The following MAP2K5 variants were observed in gnomAD, a reference collection of about 807,000 sequenced individuals.
The protein encoded by MAP2K5 is mitogen-activated protein kinase kinase 5.
In MAP2K5, 49 loss-of-function variants were observed where a neutral mutation model predicts 83.1. The ratio of observed to expected loss-of-function variants is 0.59; its 90% CI spans 0.47 to 0.75. The LOEUF (loss-of-function observed/expected upper bound fraction) is 0.75. Ranked by LOEUF, MAP2K5 falls within the 30% of genes least tolerant of loss-of-function variation. MAP2K5 has a pLI of 0.00. For missense variants in MAP2K5, 457 were observed against 557.5 expected, an observed-to-expected ratio of 0.82 and a Z score of 1.82; for synonymous variants, 202 against 191.8, an observed-to-expected ratio of 1.05 and a Z score of -0.44.
intron 9 of MAP2K5, among the ~76,000 whole-genome samples, chr15:67,645,251 G>A (rs2086805600): frequency 6.6e-6 from 1 of 152,034 alleles, no homozygotes; most frequent in Non-Finnish European, 1.5e-5. Context: ...GCTGAGGTGG[G>A]CAGATTGCTT....
intron 8 of MAP2K5, among the ~76,000 whole-genome samples, chr15:67,626,313 A>G (rs2086320553): frequency 6.6e-6 from 1 of 152,166 alleles, no homozygotes; most frequent in African/African-American, 2.4e-5. Context: ...ACTTGAGGTC[A>G]GAAGTTTGAG....
intron 11 of MAP2K5, among the ~76,000 whole-genome samples, chr15:67,650,562 C>T (rs561081908): frequency 6.7e-6 from 1 of 148,606 alleles, no homozygotes; most frequent in African/African-American, 2.5e-5. Context: ...TTGTCAAATG[C>T]CTGTTTTATA....
At position 67,802,115 on chromosome 15, in the gene MAP2K5, G is replaced by A. The variant is rs950759341; in HGVS notation, c.1243-4531G>A. Among the ~76,000 whole-genome samples, 5 of 152,192 alleles carry A rather than the reference G, an allele frequency of 3.3e-5. No individual in the cohort carries two copies. Among genetic ancestry groups the A allele is most frequent in the Admixed American group, 1.3e-4 (2 of 15,284 alleles). On this transcript the variant is annotated intron_variant, in intron 21 of 21. Coordinates refer to ENST00000178640, the MANE Select transcript of MAP2K5 (RefSeq NM_145160.3). The surrounding 1 kb of genome is among the most constrained non-coding windows in gnomAD (Gnocchi z 5.0). ...CCCTGCCTCCACGTGGGAGGGGCCC[G>A]GGAGTGTCCTGCTGTCAGTCCATCA...
chr15:67,556,174 G>T (rs985675099), intron 2 of MAP2K5, among the ~76,000 whole-genome samples: 5 of 152,142 alleles, frequency 3.3e-5, no homozygotes, highest in African/African-American at 9.7e-5. Context: ...TGATTTAAGG[G>T]TTTTCCAATA....
At chr15:67,741,202 G>A (rs1021625965) in intron 17 of MAP2K5, among the ~76,000 whole-genome samples, 1 of 152,250 alleles carries the variant, frequency 6.6e-6, no homozygotes, top group Non-Finnish European at 1.5e-5. Flanking sequence ...TCAGAGAAAG[G>A]TGACTGTGGT....
intron 16 of MAP2K5, among the ~76,000 whole-genome samples, chr15:67,721,844 T>G (rs1275053821): frequency 5.3e-5 from 8 of 152,206 alleles, no homozygotes; most frequent in Non-Finnish European, 1.2e-4. Flanking sequence ...TGAATTTCCT[T>G]AAATAGACAC....
At chr15:67,797,883 G>A (rs11635413) in intron 21 of MAP2K5, among the ~76,000 whole-genome samples, 8,770 of 152,118 alleles carry the variant, frequency 0.058, 347 homozygotes, top group Non-Finnish European at 0.085. Flanking sequence ...GGGTTTCACC[G>A]TATTGGTCAG....
At chr15:67,707,271 G>A (rs932146452) in intron 16 of MAP2K5, among the ~76,000 whole-genome samples, 1 of 152,114 alleles carries the variant, frequency 6.6e-6, no homozygotes, top group Non-Finnish European at 1.5e-5. Flanking sequence ...AAGGGATTAG[G>A]AAGTTAGTCC....
At chr15:67,592,118 CAA>C (rs71142384) in intron 6 of MAP2K5, among the ~76,000 whole-genome samples, 2 of 117,994 alleles carry the variant, frequency 1.7e-5, no homozygotes, top group Non-Finnish European at 3.4e-5. Context: ...AACTATGTCT[CAA>C]AAAAAAAAAA....
chr15:67,632,246 G>A (rs966957792), intron 9 of MAP2K5, among the ~76,000 whole-genome samples: 1 of 151,872 alleles, frequency 6.6e-6, no homozygotes, highest in African/African-American at 2.4e-5. Context: ...CCAGAGGTGT[G>A]CATCACCATG....
chr15:67,550,417 T>C (rs1013877346), intron 2 of MAP2K5, among the ~76,000 whole-genome samples: 5 of 152,240 alleles, frequency 3.3e-5, no homozygotes, highest in Non-Finnish European at 7.3e-5. Flanking sequence ...GATTAAGAGA[T>C]TTTAATCCAT....
intron 6 of MAP2K5, 53 bp from the exon 7 acceptor site, chr15:67,592,873 G>A: frequency 1.7e-6 from 2 of 1,190,882 alleles, no homozygotes; most frequent in Non-Finnish European, 2.5e-6. Flanking sequence ...AATTTTCAGT[G>A]GTGTTCAGAG....
At chr15:67,623,514 C>T (rs1210668848) in intron 8 of MAP2K5, among the ~76,000 whole-genome samples, 4 of 151,942 alleles carry the variant, frequency 2.6e-5, no homozygotes, top group East Asian at 1.9e-4. Context: ...CTAACTAGCA[C>T]GTAGAGACAC....
chr15:67,710,181 T>C (rs540719806), intron 16 of MAP2K5, among the ~76,000 whole-genome samples: 29 of 152,192 alleles, frequency 1.9e-4, no homozygotes, highest in Non-Finnish European at 3.8e-4. Flanking sequence ...CTTTAGCATA[T>C]GCATAGCATA....
In MAP2K5 at chr15:67,577,871, G is replaced by A. The variant is rs1431905447; in HGVS notation, c.253-2883G>A. On this transcript the variant is annotated intron_variant, in intron 3 of 21. Transcript: ENST00000178640. The surrounding 1 kb of genome is among the most constrained non-coding windows in gnomAD (Gnocchi z 4.1). ...CAAAAATTAGCCGGGCCAGTGGTGG[G>A]TGCCTGTAATCCCAGCTACTTGGGA... Among the ~76,000 whole-genome samples, 2 of 152,038 alleles carry A rather than the reference G, an allele frequency of 1.3e-5. No homozygotes were observed. The highest frequency in any genetic ancestry group is 4.8e-5 in the African/African-American group (2 of 41,386).
chr15:67,651,743 T>C (rs1057360642), intron 11 of MAP2K5, among the ~76,000 whole-genome samples: 6 of 152,208 alleles, frequency 3.9e-5, no homozygotes, highest in African/African-American at 1.4e-4. Flanking sequence ...CACATTTTCT[T>C]TATCTTTATT....
chr15:67,751,014 A>T (rs979377157), intron 19 of MAP2K5, among the ~76,000 whole-genome samples: 9 of 152,102 alleles, frequency 5.9e-5, no homozygotes, highest in African/African-American at 2.2e-4. Flanking sequence ...TATTATGTGG[A>T]TTCAGCTTAA....
rs945522153 is a variant in MAP2K5, at chr15:67,558,426, C to T, written c.185-4857C>T. ...CTCACCGGGATTAGGACAGTGGCCT[C>T]CAAACTGGTCTCCCTGTTCTACTTT... On this transcript the variant is annotated intron_variant, in intron 2 of 21. Transcript: ENST00000178640. Among the ~76,000 whole-genome samples, 5 of 152,328 alleles carry T rather than the reference C, an allele frequency of 3.3e-5. No homozygotes were observed. In the South Asian group the frequency reaches 6.2e-4, roughly 19 times the overall value.
At chr15:67,627,879 CT>C in intron 8 of MAP2K5, 1 of 650,302 alleles carries the variant, frequency 1.5e-6, no homozygotes, top group Non-Finnish European at 2.8e-6. Context: ...CCTAAAGAGC[CT>C]GAACAGCTGA....
Sources: allele counts gnomAD v4.1 joint callset (sites outside exome capture counted in the v4.1 genomes callset), GRCh38; gene constraint gnomAD v4.1.1; non-coding constraint Gnocchi (gnomAD v3.1); transcripts MANE v1.5; gene names NCBI Gene and HGNC (gene_info 2026-07-23, HGNC 2026-07-21).